Variants in BUB1B observed in about 807,000 individuals in gnomAD.
BUB1B encodes mitotic checkpoint serine/threonine-protein kinase BUB1 beta.
A neutral mutation model predicts 137.7 loss-of-function variants in BUB1B; 86 were observed. That is an observed-to-expected ratio of 0.62 (90% CI 0.52 to 0.75). The LOEUF is 0.75. Among genes scored for constraint, BUB1B ranks in the 30% least tolerant of loss-of-function variants. BUB1B has a pLI of 0.00. For synonymous variants in BUB1B, 420 were observed against 417.9 expected (o/e 1.00, Z -0.06); for missense variants, 1,130 against 1,236.9 (o/e 0.91, Z 1.30).
intron 8 of BUB1B, among the ~76,000 whole-genome samples, chr15:40,190,644 T>C (rs1454075786): frequency 5.9e-5 from 9 of 152,088 alleles, no homozygotes; most frequent in Admixed American, 5.9e-4. Flanking sequence ...AAAATAAAAG[T>C]TAAGAACTTT....
intron 14 of BUB1B, among the ~76,000 whole-genome samples, chr15:40,204,627 A>G: frequency 6.6e-6 from 1 of 151,176 alleles, no homozygotes; most frequent in Non-Finnish European, 1.5e-5. Flanking sequence ...ATATATATGT[A>G]TATATATATT....
chr15:40,162,085 A>C (rs1566813780), intron 1 of BUB1B, among the ~76,000 whole-genome samples: 1 of 152,184 alleles, frequency 6.6e-6, no homozygotes, highest in Non-Finnish European at 1.5e-5. Context: ...AACTGGGTGT[A>C]GTGAATATTG....
chr15:40,193,453 A>C (rs1202079235), intron 8 of BUB1B, among the ~76,000 whole-genome samples: 1 of 59,596 alleles, frequency 1.7e-5, no homozygotes, highest in African/African-American at 5.6e-5. Flanking sequence ...TTTTTTTTTT[A>C]TATGCTTATT....
rs916454369 is a variant in BUB1B, at chr15:40,217,790, A to G, written c.2850+123A>G. 23 of 1,173,492 alleles carry G rather than the reference A, an allele frequency of 2.0e-5. No homozygotes were observed. In the African/African-American group the frequency reaches 3.5e-4, roughly 18 times the overall value. 72.7% of individuals were successfully genotyped at this position (1,173,492 alleles called of 1,614,324 possible). On this transcript the variant is annotated intron_variant, in intron 21 of 22. Coordinates refer to ENST00000287598, the MANE Select transcript of BUB1B (RefSeq NM_001211.6). ...CCTAGAATAGATGACCTAGTTTTCA[A>G]ATATCACCAAGTCAAGTAAAATGTA...
In BUB1B at chr15:40,213,558, G is replaced by A. The variant is rs1381389842; in HGVS notation, c.2678+84G>A. The A allele has an allele frequency of 1.2e-5, 17 of 1,467,784 alleles. No homozygotes were observed. The Admixed American group carries it at 1.7e-4, about 15-fold the overall frequency. 90.9% of individuals were successfully genotyped at this position (1,467,784 alleles called of 1,614,324 possible). ...CACTTTTTTTTTTCTTTTTTGAGGC[G>A]AGGGTCTCACTCTGTCACCTAGGTT... is the stretch of plus-strand genomic sequence containing the variant. On this transcript the variant is annotated intron_variant, in intron 20 of 22. Coordinates refer to ENST00000287598, the MANE Select transcript of BUB1B (RefSeq NM_001211.6).
At chr15:40,201,474 G>A (rs938501818) in intron 12 of BUB1B, among the ~76,000 whole-genome samples, 2 of 152,072 alleles carry the variant, frequency 1.3e-5, no homozygotes, top group Admixed American at 6.5e-5. Flanking sequence ...ATGGAGGAAC[G>A]TTGTTAAACA....
intron 4 of BUB1B, among the ~76,000 whole-genome samples, chr15:40,175,430 G>C (rs1005371949): frequency 1.3e-5 from 2 of 152,158 alleles, no homozygotes; most frequent in Non-Finnish European, 2.9e-5. Flanking sequence ...TAATGGTTAA[G>C]TGTAAGCAGC....
In BUB1B at chr15:40,220,635, C is replaced by G. The variant is rs1367779530; in HGVS notation, c.3029C>G (p.Ser1010Cys). ...AATGCCAATGATGAGGCCACAGTGT[C>G]TGTTCTTGGGGAGCTTGCAGCAGAA... is the stretch of plus-strand genomic sequence containing the variant. ...ILNANDEATV[S>C]VLGELAAEMN... is the part of the protein sequence containing the mutation. Residue 1010 changes from serine to cysteine, a missense_variant, in exon 23 of 23, where the codon TCT becomes TGT. Physicochemically the swap from Ser to Cys is moderately radical, Grantham distance 112. Coordinates refer to ENST00000287598, the MANE Select transcript of BUB1B (RefSeq NM_001211.6). 6.2e-7 allele frequency: 1 copy of G among 1,614,084 alleles called. No homozygotes were observed. Among genetic ancestry groups the G allele is most frequent in the Non-Finnish European group, 8.5e-7 (1 of 1,180,046 alleles).
At chr15:40,167,607 C>G (rs1309557569) in intron 2 of BUB1B, among the ~76,000 whole-genome samples, 1 of 152,194 alleles carries the variant, frequency 6.6e-6, no homozygotes, top group African/African-American at 2.4e-5. Flanking sequence ...TCCCAGAGTG[C>G]TGGGATTACG....
intron 2 of BUB1B, among the ~76,000 whole-genome samples, chr15:40,167,705 G>T (rs1238256401): frequency 1.3e-5 from 2 of 151,994 alleles, no homozygotes; most frequent in Non-Finnish European, 2.9e-5. Context: ...TGTATATGGT[G>T]TGGGGTTGGA....
At chr15:40,203,175 TAAAC>T (rs1376064620) in intron 14 of BUB1B, among the ~76,000 whole-genome samples, 1 of 152,220 alleles carries the variant, frequency 6.6e-6, no homozygotes, top group African/African-American at 2.4e-5. Flanking sequence ...GATGAATGGA[TAAAC>T]AAAATGTTAT....
At chr15:40,197,760 C>A (rs771402009) in intron 9 of BUB1B, among the ~76,000 whole-genome samples, 1 of 152,146 alleles carries the variant, frequency 6.6e-6, no homozygotes, top group South Asian at 2.1e-4. Flanking sequence ...TCATTTGTTA[C>A]ACTAATTAGT....
chr15:40,172,971 A>G (rs73389525), intron 4 of BUB1B, among the ~76,000 whole-genome samples: 1 of 152,130 alleles, frequency 6.6e-6, no homozygotes, highest in Non-Finnish European at 1.5e-5. Flanking sequence ...ATATCTTTAC[A>G]TGTAATTTAT....
intron 20 of BUB1B, 157 bp from the exon 21 acceptor site, chr15:40,217,339 T>A: frequency 1.4e-6 from 1 of 728,072 alleles, no homozygotes; most frequent in South Asian, 1.6e-5. Context: ...ACACTGCCAC[T>A]GCTCTGTCTT....
In BUB1B at chr15:40,185,586, C is replaced by G. The variant is rs761523924; in HGVS notation, c.1002C>G (p.Pro334=). ...RGNTASLIAV[P]AVLPSFTPYV... ...ATACAGCTTCACTGATAGCTGTACC[C>G]GCTGTGCTTCCCAGTTTCACTCCAT... Residue 334 remains proline, a synonymous_variant, in exon 8 of 23, where the codon CCC becomes CCG. Coordinates refer to ENST00000287598, the MANE Select transcript of BUB1B (RefSeq NM_001211.6). 6.2e-7 allele frequency: 1 copy of G among 1,614,166 alleles called. No homozygotes were observed. The highest frequency in any genetic ancestry group is 1.7e-5 in the Admixed American group (1 of 60,020).
intron 14 of BUB1B, 29 bp from the exon 15 acceptor site, chr15:40,206,155 A>G: frequency 6.2e-7 from 1 of 1,612,872 alleles, no homozygotes; most frequent in South Asian, 1.1e-5. Context: ...GAAATATTTT[A>G]GCTAAACTTT....
chr15:40,188,518 C>G (rs1294613231), intron 8 of BUB1B, among the ~76,000 whole-genome samples: 1 of 150,682 alleles, frequency 6.6e-6, no homozygotes, highest in East Asian at 1.9e-4. Flanking sequence ...TTGTCCTTGT[C>G]TTTTGGCTTC....
intron 4 of BUB1B, among the ~76,000 whole-genome samples, chr15:40,173,295 T>TAAAAAAAAAAAAA (rs61078619): frequency 1.4e-4 from 12 of 85,758 alleles, no homozygotes; most frequent in Admixed American, 4.2e-4. Context: ...GAAAAAAAGA[T>TAAAAAAAAAAAAA]AAAAAAAAAA....
intron 14 of BUB1B, 126 bp from the exon 15 acceptor site, chr15:40,206,058 T>C: frequency 1.0e-6 from 1 of 958,428 alleles, no homozygotes; most frequent in Non-Finnish European, 1.6e-6. Flanking sequence ...CCTTTTTATA[T>C]TTGCCTAGAT....
Sources: gnomAD v4.1 joint callset for allele counts (sites outside exome capture counted in the v4.1 genomes callset) on GRCh38, gnomAD v4.1.1 for gene constraint, MANE v1.5 for transcripts, NCBI Gene and HGNC (gene_info 2026-07-23, HGNC 2026-07-21) for gene names.